Variants in LRFN5 observed in about 807,000 individuals in gnomAD.
LRFN5 encodes leucine-rich repeat and fibronectin type-III domain-containing protein 5.
LRFN5 carries 24 observed loss-of-function variants against 45.6 expected under a neutral mutation model. That is an observed-to-expected ratio of 0.53 (90% CI 0.38 to 0.74). LRFN5 has a LOEUF of 0.74. Ranked by LOEUF, LRFN5 falls within the 30% of genes least tolerant of loss-of-function variation. The pLI is 0.00. For synonymous variants in LRFN5, 340 were observed against 313.8 expected (o/e 1.08, Z -0.88); for missense variants, 776 against 861.5 (o/e 0.90, Z 1.24).
intron 1 of LRFN5, among the ~76,000 whole-genome samples, chr14:41,756,873 C>T (rs910798334): frequency 5.3e-5 from 8 of 152,158 alleles, no homozygotes; most frequent in South Asian, 4.2e-4. Flanking sequence ...CTGTTTTTTC[C>T]GCATCTTTGT....
chr14:41,669,696 C>T (rs180844021), intron 1 of LRFN5, among the ~76,000 whole-genome samples: 1 of 152,024 alleles, frequency 6.6e-6, no homozygotes, highest in Admixed American at 6.5e-5. Flanking sequence ...CCAGCCAGTT[C>T]TTACTGTAGG....
chr14:41,884,725 C>T (rs879349232), intron 2 of LRFN5, among the ~76,000 whole-genome samples: 6 of 152,142 alleles, frequency 3.9e-5, no homozygotes, highest in Admixed American at 2.0e-4. Flanking sequence ...CATCAATCCC[C>T]TGTACAGCCC....
chr14:41,817,993 C>A (rs562882310), intron 2 of LRFN5, among the ~76,000 whole-genome samples: 6 of 152,134 alleles, frequency 3.9e-5, no homozygotes, highest in African/African-American at 1.4e-4. Context: ...GATTCTAAAT[C>A]CTTTTCTATG....
chr14:41,719,219 T>A (rs1472282626), intron 1 of LRFN5, among the ~76,000 whole-genome samples: 6 of 152,156 alleles, frequency 3.9e-5, no homozygotes, highest in African/African-American at 1.2e-4. Context: ...ACTCAAATCA[T>A]TGAAAAGGGG....
chr14:41,677,060 G>A, intron 1 of LRFN5, among the ~76,000 whole-genome samples: 1 of 152,132 alleles, frequency 6.6e-6, no homozygotes, highest in Non-Finnish European at 1.5e-5. Flanking sequence ...TGACCAGTAA[G>A]TGGCTTATGC....
intron 2 of LRFN5, among the ~76,000 whole-genome samples, chr14:41,823,025 T>C (rs1269673556): frequency 6.6e-6 from 1 of 151,978 alleles, no homozygotes; most frequent in Non-Finnish European, 1.5e-5. Context: ...AGTCTATAAG[T>C]GTCATTACTA....
intron 2 of LRFN5, among the ~76,000 whole-genome samples, chr14:41,868,630 C>T: frequency 6.6e-6 from 1 of 152,160 alleles, no homozygotes; most frequent in Non-Finnish European, 1.5e-5. Flanking sequence ...GAAGACATCT[C>T]TTTGCTCCCT....
intron 2 of LRFN5, among the ~76,000 whole-genome samples, chr14:41,871,889 C>T (rs951770503): frequency 6.6e-6 from 1 of 152,152 alleles, no homozygotes; most frequent in South Asian, 2.1e-4. Context: ...CATTAGCCAA[C>T]ACTTGTACTT....
chr14:41,750,003 G>A (rs1885063842), intron 1 of LRFN5, among the ~76,000 whole-genome samples: 1 of 151,858 alleles, frequency 6.6e-6, no homozygotes, highest in African/African-American at 2.4e-5. Flanking sequence ...TTTTGAAACT[G>A]TCTCTCTAAC....
intron 3 of LRFN5, among the ~76,000 whole-genome samples, chr14:41,888,667 G>A (rs1260005170): frequency 6.6e-6 from 1 of 151,996 alleles, no homozygotes; most frequent in Admixed American, 6.6e-5. Flanking sequence ...TGTCTCATGT[G>A]TACTGGTTCT....
At chr14:41,753,720 C>A (rs148408787) in intron 1 of LRFN5, among the ~76,000 whole-genome samples, 3,493 of 152,090 alleles carry the variant, frequency 0.023, 45 homozygotes, top group Middle Eastern at 0.038. Context: ...AAACAGGGAC[C>A]ATTTGACTTT....
chr14:41,773,551 C>G (rs1886165783), intron 2 of LRFN5, among the ~76,000 whole-genome samples: 1 of 152,130 alleles, frequency 6.6e-6, no homozygotes, highest in African/African-American at 2.4e-5. Flanking sequence ...TTTCCTCTCT[C>G]TCTCTCTTTG....
chr14:41,838,594 A>G (rs1888747141), intron 2 of LRFN5, among the ~76,000 whole-genome samples: 1 of 152,134 alleles, frequency 6.6e-6, no homozygotes, highest in South Asian at 2.1e-4. Context: ...GTTCTCCTTG[A>G]GGTTTTGAAA....
At chr14:41,812,403 C>T (rs2138993854) in intron 2 of LRFN5, among the ~76,000 whole-genome samples, 1 of 151,888 alleles carries the variant, frequency 6.6e-6, no homozygotes, top group East Asian at 1.9e-4. Flanking sequence ...TTGTGATAAA[C>T]TAATCAGAAC....
chr14:41,618,647 T>C (rs1278731809), intron 1 of LRFN5, among the ~76,000 whole-genome samples: 4 of 152,110 alleles, frequency 2.6e-5, no homozygotes, highest in Non-Finnish European at 5.9e-5. Flanking sequence ...CATAAAATCA[T>C]AAACAAATAA....
chr14:41,840,144 A>G (rs1443629024), intron 2 of LRFN5, among the ~76,000 whole-genome samples: 1 of 152,098 alleles, frequency 6.6e-6, no homozygotes, highest in Non-Finnish European at 1.5e-5. Context: ...CAGTCACTTA[A>G]TAAATAATCC....
chr14:41,844,880 A>G (rs1889005920), intron 2 of LRFN5, among the ~76,000 whole-genome samples: 1 of 152,176 alleles, frequency 6.6e-6, no homozygotes, highest in South Asian at 2.1e-4. Context: ...AATTAGAAAT[A>G]TATCAGATAT....
intron 2 of LRFN5, among the ~76,000 whole-genome samples, chr14:41,881,377 C>T (rs1019283074): frequency 4.6e-5 from 7 of 151,284 alleles, no homozygotes; most frequent in Admixed American, 4.6e-4. Context: ...TTCTTTTGAC[C>T]TTAATTATGA....
intron 1 of LRFN5, among the ~76,000 whole-genome samples, chr14:41,707,250 A>T (rs1383414123): frequency 6.6e-6 from 1 of 152,212 alleles, no homozygotes; most frequent in East Asian, 1.9e-4. Flanking sequence ...TGCCATGCTT[A>T]TCCTTTTCCT....
Sources: allele counts gnomAD v4.1 joint callset (sites outside exome capture counted in the v4.1 genomes callset), GRCh38; gene constraint gnomAD v4.1.1; transcripts MANE v1.5; gene names NCBI Gene and HGNC (gene_info 2026-07-23, HGNC 2026-07-21).